PPP1R13B: variants seen among roughly 807,000 people sequenced by gnomAD.
PPP1R13B encodes the protein protein phosphatase 1 regulatory subunit 13B, also known as apoptosis-stimulating of p53 protein 1.
A neutral mutation model predicts 119.8 loss-of-function variants in PPP1R13B; 44 were observed. That is an observed-to-expected ratio of 0.37 (90% confidence interval 0.29 to 0.47). PPP1R13B has a LOEUF of 0.47. Among genes scored for constraint, PPP1R13B ranks in the 20% least tolerant of loss-of-function variants. The pLI is 0.99. For synonymous variants in PPP1R13B, 542 were observed against 561.5 expected, an observed-to-expected ratio of 0.97 and a Z score of 0.49; for missense variants, 1,227 against 1,413.5, an observed-to-expected ratio of 0.87 and a Z score of 2.12.
At chr14:103,848,394 C>T, upstream of PPP1R13B, 1 of 985,458 alleles carries the variant, frequency 1.0e-6, no homozygotes. Flanking sequence ...CGGGCCTGAG[C>T]GCCGGAGTGA....
intron 1 of PPP1R13B, among the ~76,000 whole-genome samples, chr14:103,824,669 T>C (rs1178831088): frequency 6.7e-6 from 1 of 148,368 alleles, no homozygotes; most frequent in African/African-American, 2.5e-5. Flanking sequence ...CACTCCAGCA[T>C]GGGCGACAGA....
chr14:103,764,364 C>T (rs766471935), intron 4 of PPP1R13B: 4 of 211,114 alleles, frequency 1.9e-5, no homozygotes, highest in Non-Finnish European at 4.0e-5. Flanking sequence ...AAATGTTAAG[C>T]ATCTTTTCAT....
At chr14:103,843,078 G>GA (rs2086946557) in intron 1 of PPP1R13B, among the ~76,000 whole-genome samples, 1 of 151,972 alleles carries the variant, frequency 6.6e-6, no homozygotes, top group East Asian at 1.9e-4. Flanking sequence ...CTTTCAAAAA[G>GA]AAACGATGCT....
chr14:103,747,673 T>G (rs2084421278), intron 8 of PPP1R13B, among the ~76,000 whole-genome samples: 1 of 152,170 alleles, frequency 6.6e-6, no homozygotes, highest in Non-Finnish European at 1.5e-5. Context: ...TTCCCACCCT[T>G]TCCCCGAGTC....
intron 1 of PPP1R13B, among the ~76,000 whole-genome samples, chr14:103,837,055 G>C (rs923663715): frequency 2.0e-5 from 3 of 152,300 alleles, no homozygotes; most frequent in Admixed American, 1.3e-4. Context: ...AATCAACACA[G>C]ACAGAAATTA....
rs781067819 is a variant in PPP1R13B at position 103,733,713 on chromosome 14, C to G, written c.*1441G>C. ...GTCCAGATCACCTGAACCCTCGTGCCACAGCGCAGTCTGGGTCCAGAAAGA... is the reference window on the plus strand; with the variant it reads ...GTCCAGATCACCTGAACCCTCGTGCGACAGCGCAGTCTGGGTCCAGAAAGA... On this transcript the variant is annotated 3_prime_UTR_variant, in exon 17 of 17. Coordinates refer to ENST00000202556, the MANE Select transcript of PPP1R13B (RefSeq NM_015316.3). 1 of 152,516 alleles carries G rather than the reference C, an allele frequency of 6.6e-6. No individual in the cohort carries two copies. The highest frequency in any genetic ancestry group is 1.5e-5 in the Non-Finnish European group (1 of 68,108). The allele number at this position is 152,516 out of a possible 1,614,324, so 9.4% of individuals were successfully genotyped here. A position where few individuals can be genotyped will look rare whatever the true frequency, so the allele number is the denominator to read the frequency against.
At chr14:103,735,908 C>T (rs1025842351) in intron 16 of PPP1R13B, 95 bp downstream of exon 16, 6 of 1,379,326 alleles carry the variant, frequency 4.3e-6, no homozygotes, top group Admixed American at 2.0e-5. Flanking sequence ...CTCAGAGAAG[C>T]GAAGCCTCCC....
At chr14:103,766,387 G>A (rs758121129) in intron 4 of PPP1R13B, among the ~76,000 whole-genome samples, 3 of 152,024 alleles carry the variant, frequency 2.0e-5, no homozygotes, top group Non-Finnish European at 2.9e-5. Flanking sequence ...GCTTTCCCAC[G>A]CTTAAGTGTC....
chr14:103,835,855 T>C (rs1001983343), intron 1 of PPP1R13B, among the ~76,000 whole-genome samples: 1 of 151,792 alleles, frequency 6.6e-6, no homozygotes, highest in Non-Finnish European at 1.5e-5. Context: ...GTGATCCGCC[T>C]GCCTCGGCCT....
intron 1 of PPP1R13B, among the ~76,000 whole-genome samples, chr14:103,841,296 A>AG (rs1230468682): frequency 6.6e-6 from 1 of 151,768 alleles, no homozygotes; most frequent in Non-Finnish European, 1.5e-5. Context: ...AAAAAAAAAA[A>AG]TTTTTTTTAG....
intron 1 of PPP1R13B, among the ~76,000 whole-genome samples, chr14:103,830,982 C>T (rs1245722635): frequency 6.8e-6 from 1 of 147,000 alleles, no homozygotes; most frequent in Non-Finnish European, 1.5e-5. Context: ...CTCACTCTGT[C>T]GCCCAGGCTG....
chr14:103,820,366 T>C (rs996805630), intron 1 of PPP1R13B, among the ~76,000 whole-genome samples: 2 of 152,224 alleles, frequency 1.3e-5, no homozygotes, highest in Non-Finnish European at 2.9e-5. Context: ...TCTACACTGC[T>C]GCAAAATCAT....
intron 1 of PPP1R13B, among the ~76,000 whole-genome samples, chr14:103,809,544 G>A (rs1048210470): frequency 6.6e-6 from 1 of 152,046 alleles, no homozygotes; most frequent in Non-Finnish European, 1.5e-5. Flanking sequence ...AGAATAGGTT[G>A]GGTGTGGCGG....
chr14:103,756,925 AT>A (rs34134431), intron 5 of PPP1R13B, among the ~76,000 whole-genome samples: 67,370 of 151,094 alleles, frequency 0.45, 15,496 homozygotes, highest in African/African-American at 0.56. Flanking sequence ...AGCCTGGGTA[AT>A]TTTTTTTAAA....
chr14:103,744,873 T>C (rs1198385069), intron 9 of PPP1R13B, among the ~76,000 whole-genome samples: 2 of 152,200 alleles, frequency 1.3e-5, no homozygotes, highest in African/African-American at 4.8e-5. Flanking sequence ...CAGCAGAGGC[T>C]AGGACCAGGG....
chr14:103,784,081 C>A (rs1009520731), intron 3 of PPP1R13B, among the ~76,000 whole-genome samples: 27 of 152,176 alleles, frequency 1.8e-4, no homozygotes, highest in Admixed American at 7.9e-4. Flanking sequence ...GAGGCTGAAA[C>A]AGGAGAATCG....
chr14:103,808,941 T>C (rs1199761588), intron 1 of PPP1R13B, among the ~76,000 whole-genome samples: 1 of 152,140 alleles, frequency 6.6e-6, no homozygotes, highest in African/African-American at 2.4e-5. Context: ...CAATCCTAGC[T>C]CACTGCACCC....
chr14:103,756,606 C>T (rs936055826), intron 5 of PPP1R13B, among the ~76,000 whole-genome samples: 1 of 152,064 alleles, frequency 6.6e-6, no homozygotes, highest in African/African-American at 2.4e-5. Context: ...ATGGGGAAGC[C>T]CCGTTAACCA....
intron 7 of PPP1R13B, among the ~76,000 whole-genome samples, chr14:103,751,503 G>A (rs2084544363): frequency 6.6e-6 from 1 of 152,194 alleles, no homozygotes; most frequent in South Asian, 2.1e-4. Context: ...CAACTTCTGA[G>A]ACATGAAAAT....
Sources: allele counts gnomAD v4.1 joint callset (sites outside exome capture counted in the v4.1 genomes callset), GRCh38; gene constraint gnomAD v4.1.1; transcripts MANE v1.5; gene names NCBI Gene and HGNC (gene_info 2026-07-23, HGNC 2026-07-21).